CYLC2: variants seen among roughly 807,000 people sequenced by gnomAD.
The protein encoded by CYLC2 is cylicin 2.
Under a neutral mutation model 26.1 loss-of-function variants are expected in CYLC2, and 30 were observed. The observed-to-expected ratio is 1.15, with a 90% CI of 0.86 to 1.56. The LOEUF is 1.56. Among genes scored for constraint, CYLC2 ranks in the 40% most tolerant of loss-of-function variants. CYLC2 has a pLI of 0.00. For synonymous variants in CYLC2, 158 were observed against 132.8 expected (o/e 1.19, Z -1.31); for missense variants, 498 against 394.4 (o/e 1.26, Z -2.23).
chr9:103,003,316 T>C (rs1373594132), intron 3 of CYLC2, 53 bp downstream of exon 3: 2 of 1,461,322 alleles, frequency 1.4e-6, no homozygotes, highest in Non-Finnish European at 1.9e-6. Context: ...AACTTAGTAA[T>C]AATTATAACC....
chr9:103,014,497 CATAAT>C (rs1829467634), intron 6 of CYLC2, among the ~76,000 whole-genome samples: 1 of 137,040 alleles, frequency 7.3e-6, no homozygotes, highest in East Asian at 2.2e-4. Context: ...ATGCAATATA[CATAAT>C]ATATGTAATA....
intron 1 of CYLC2, among the ~76,000 whole-genome samples, chr9:102,999,096 G>A (rs1000152321): frequency 4.6e-5 from 7 of 151,710 alleles, no homozygotes; most frequent in African/African-American, 1.7e-4. Flanking sequence ...AAGTCTTTCT[G>A]TGGACTTTTG....
Position 103,014,876 on chromosome 9 carries a change from C to CATAA in CYLC2, c.*817-2012_*817-2011insATAA, listed in dbSNP as rs1209131858. ...CAATATACATAATATATGTAATATA[C>CATAA]TATGTATATTATGTAATATACATAA... On this transcript the variant is annotated intron_variant, in intron 6 of 7. Coordinates refer to ENST00000374798, the MANE Select transcript of CYLC2 (RefSeq NM_001340.5). Among the ~76,000 whole-genome samples the CATAA allele has an allele frequency of 6.3e-5, 8 of 126,022 alleles. 1 individual carries two copies. The highest frequency in any genetic ancestry group is 2.5e-4 in the African/African-American group (8 of 31,596). The allele number at this position is 126,022 out of a possible 152,430, so 82.7% of individuals were successfully genotyped here. A position where few individuals can be genotyped will look rare whatever the true frequency, so the allele number is the denominator to read the frequency against.
intron 2 of CYLC2, among the ~76,000 whole-genome samples, chr9:103,002,357 C>CTTTT: frequency 1.3e-5 from 1 of 77,620 alleles, no homozygotes; most frequent in Non-Finnish European, 2.3e-5. Context: ...CATTTGCCCC[C>CTTTT]TTTTTTTTTT....
intron 5 of CYLC2, among the ~76,000 whole-genome samples, chr9:103,006,754 CT>C (rs778790661): frequency 6.6e-6 from 1 of 151,966 alleles, no homozygotes; most frequent in Non-Finnish European, 1.5e-5. Context: ...TAATTATTGT[CT>C]TTTTCATTTT....
intron 6 of CYLC2, among the ~76,000 whole-genome samples, chr9:103,015,383 T>A (rs1829490386): frequency 1.9e-5 from 1 of 53,364 alleles, no homozygotes; most frequent in African/African-American, 7.5e-5. Flanking sequence ...GTAATATATA[T>A]TAAATATATA....
intron 6 of CYLC2, among the ~76,000 whole-genome samples, chr9:103,013,724 C>T (rs1341161556): frequency 3.0e-4 from 31 of 101,940 alleles, no homozygotes; most frequent in African/African-American, 1.1e-3. Flanking sequence ...ATATATTATG[C>T]ATTTTATATA....
At chr9:103,016,355 A>C (rs117184648) in intron 6 of CYLC2, among the ~76,000 whole-genome samples, 7,891 of 152,068 alleles carry the variant, frequency 0.052, 291 homozygotes, top group South Asian at 0.11. Context: ...CTCCAGGAAG[A>C]AGCTCTGGGA....
chr9:102,998,963 C>T (rs1829262562), intron 1 of CYLC2, among the ~76,000 whole-genome samples: 1 of 151,796 alleles, frequency 6.6e-6, no homozygotes, highest in Non-Finnish European at 1.5e-5. Context: ...CTTTCGATTG[C>T]TAAGAAGTAT....
rs569533820 is a variant in CYLC2 at position 102,999,738 on chromosome 9, T to C, written c.18-1840T>C. Among the ~76,000 whole-genome samples the C allele has an allele frequency of 5.7e-4, 87 of 152,036 alleles. No individual in the cohort carries two copies. The South Asian group carries it at 0.01, about 18-fold the overall frequency. On this transcript the variant is annotated intron_variant, in intron 1 of 7. Coordinates refer to ENST00000374798, the MANE Select transcript of CYLC2 (RefSeq NM_001340.5). ...TACTGAAATGATCAGATGATTTTTC[T>C]TATTTATTTTGTCAATTGGAATGAT...
intron 1 of CYLC2, 66 bp downstream of exon 1, chr9:102,995,463 T>G: frequency 1.7e-6 from 2 of 1,163,148 alleles, no homozygotes; most frequent in South Asian, 2.5e-5. Context: ...ACTTCTTTAG[T>G]ATGAAGAGAT....
chr9:103,014,455 G>A (rs1171406244), intron 6 of CYLC2, among the ~76,000 whole-genome samples: 1 of 122,016 alleles, frequency 8.2e-6, no homozygotes, highest in South Asian at 2.9e-4. Context: ...TATACATAAT[G>A]TATATTACGT....
Position 103,004,692 on chromosome 9 carries a change from C to G in CYLC2, c.181-3C>G. 3 of 1,583,266 alleles carry G rather than the reference C, an allele frequency of 1.9e-6. No homozygotes were observed. Among genetic ancestry groups the G allele is most frequent in the Non-Finnish European group, 2.6e-6 (3 of 1,166,982 alleles). The stretch of plus-strand genomic sequence containing the variant: ...GTTCATCATTATTGTAACCATCTTT[C>G]AGATAATTGATGAAGAACAATTAAG... On this transcript the variant is annotated splice_polypyrimidine_tract_variant and splice_region_variant and intron_variant, in intron 3 of 7. Coordinates refer to ENST00000374798, the MANE Select transcript of CYLC2 (RefSeq NM_001340.5).
chr9:103,005,737 A>G lies in CYLC2; in HGVS notation c.*59A>G. 8 of 1,513,002 alleles carry G rather than the reference A, an allele frequency of 5.3e-6. No homozygotes were observed. The highest frequency in any genetic ancestry group is 7.1e-6 in the Non-Finnish European group (8 of 1,127,232). 93.7% of individuals were successfully genotyped at this position (1,513,002 alleles called of 1,614,324 possible). On this transcript the variant is annotated 3_prime_UTR_variant, in exon 5 of 8. Transcript: ENST00000374798. ...TCAAAAGCATATTTGATGAAACAAT[A>G]GTGGTAGTCTGCAGCTGAATTTGTG...
At chr9:103,013,359 TA>T (rs369613013) in intron 6 of CYLC2, among the ~76,000 whole-genome samples, 17,168 of 43,808 alleles carry the variant, frequency 0.39, 2,366 homozygotes, top group South Asian at 0.47. Context: ...ATATATTATA[TA>T]AATATATATT....
rs1829350032 is a variant in CYLC2, at chr9:103,006,316, A to G, written c.*638A>G. On this transcript the variant is annotated 3_prime_UTR_variant, in exon 5 of 8. Transcript: ENST00000374798. ...CTACATCTTTCTTTCTGAAGTTTAAACAACCACAGTCATGTTTATGGTTGT... is the reference window on the plus strand; with the variant it reads ...CTACATCTTTCTTTCTGAAGTTTAAGCAACCACAGTCATGTTTATGGTTGT... The G allele has an allele frequency of 6.6e-6, 1 of 152,146 alleles. No individual in the cohort carries two copies. Among genetic ancestry groups the G allele is most frequent in the South Asian group, 2.1e-4 (1 of 4,822 alleles). 9.4% of individuals were successfully genotyped at this position (152,146 alleles called of 1,614,324 possible).
intron 5 of CYLC2, among the ~76,000 whole-genome samples, chr9:103,009,210 T>C (rs1829381106): frequency 6.6e-6 from 1 of 152,152 alleles, no homozygotes; most frequent in African/African-American, 2.4e-5. Flanking sequence ...TTTCATAGAC[T>C]AATTTATTTT....
At chr9:102,997,078 T>G (rs1829245179) in intron 1 of CYLC2, among the ~76,000 whole-genome samples, 1 of 151,934 alleles carries the variant, frequency 6.6e-6, no homozygotes, top group Admixed American at 6.6e-5. Context: ...TGAGTAGCAT[T>G]ACTAAAGTCG....
intron 6 of CYLC2, among the ~76,000 whole-genome samples, chr9:103,014,487 A>C (rs1421821908): frequency 1.4e-5 from 2 of 141,388 alleles, no homozygotes; most frequent in African/African-American, 2.5e-5. Context: ...TATGTATATT[A>C]TGCAATATAC....
Sources: gnomAD v4.1 joint callset for allele counts (sites outside exome capture counted in the v4.1 genomes callset) on GRCh38, gnomAD v4.1.1 for gene constraint, MANE v1.5 for transcripts, NCBI Gene and HGNC (gene_info 2026-07-23, HGNC 2026-07-21) for gene names.